The following NCLN variants were observed in gnomAD, a reference collection of about 807,000 sequenced individuals.
NCLN encodes the protein nicalin, also known as BOS complex subunit NCLN.
Under a neutral mutation model 69.5 loss-of-function variants are expected in NCLN, and 34 were observed. That is an observed-to-expected ratio of 0.49 (90% CI 0.37 to 0.65). The LOEUF (loss-of-function observed/expected upper bound fraction) is 0.65. Ranked by LOEUF, NCLN falls within the 30% of genes least tolerant of loss-of-function variation. The pLI, the probability that NCLN is intolerant of heterozygous loss-of-function variation, is 0.00. For missense variants in NCLN, 710 were observed against 804.8 expected, an observed-to-expected ratio of 0.88 and a Z score of 1.42; for synonymous variants, 393 against 358.3, an observed-to-expected ratio of 1.10 and a Z score of -1.09.
chr19:3,202,792 C>T (rs1916162160), intron 6 of NCLN, among the ~76,000 whole-genome samples: 1 of 152,140 alleles, frequency 6.6e-6, no homozygotes, highest in Admixed American at 6.6e-5. Context: ...CCCCCAGCCC[C>T]CCACTGATGC....
chr19:3,207,782 C>A lies in NCLN; in HGVS notation c.*94C>A. On this transcript the variant is annotated 3_prime_UTR_variant, in exon 15 of 15. Transcript: ENST00000246117. Reference sequence around the variant, plus strand: ...CACTGCCCCGCCGCGGGCGGCCCTGCAGGGACAGGGGCCCTCTCCCTCCCC... The same window carrying A: ...CACTGCCCCGCCGCGGGCGGCCCTGAAGGGACAGGGGCCCTCTCCCTCCCC... The A allele has an allele frequency of 9.3e-7, 1 of 1,080,226 alleles. No homozygotes were observed. The highest frequency in any genetic ancestry group is 1.4e-6 in the Non-Finnish European group (1 of 709,914). 66.9% of individuals were successfully genotyped at this position (1,080,226 alleles called of 1,614,324 possible).
chr19:3,199,952 A>G (rs1916083161), intron 5 of NCLN, among the ~76,000 whole-genome samples: 2 of 151,870 alleles, frequency 1.3e-5, no homozygotes, highest in Non-Finnish European at 2.9e-5. Flanking sequence ...TGCCCTCCTC[A>G]GCCTCCCAAA....
chr19:3,193,159 G>A, intron 2 of NCLN, 125 bp from the exon 3 acceptor site: 5 of 918,668 alleles, frequency 5.4e-6, no homozygotes, highest in Non-Finnish European at 8.1e-6. Context: ...TGGGCCCCCT[G>A]CTACCCCCTC....
chr19:3,185,949 A>G lies in NCLN; in HGVS notation c.-82A>G. ...GCCCGCAGGACCCCGGCGGCTACCCATGCCGAGGTGAGTCCGCGGGAGCCG... is the reference window on the plus strand; with the variant it reads ...GCCCGCAGGACCCCGGCGGCTACCCGTGCCGAGGTGAGTCCGCGGGAGCCG... On this transcript the variant is annotated 5_prime_UTR_variant, in exon 1 of 15. The change abolishes an upstream ATG in the 5' untranslated region. Transcript: ENST00000246117. 4 of 1,155,180 alleles carry G rather than the reference A, an allele frequency of 3.5e-6. No homozygotes were observed. Among genetic ancestry groups the G allele is most frequent in the Non-Finnish European group, 4.5e-6 (4 of 894,580 alleles). 71.6% of individuals were successfully genotyped at this position (1,155,180 alleles called of 1,614,324 possible). A position where few individuals can be genotyped will look rare whatever the true frequency, so the allele number is the denominator to read the frequency against.
intron 3 of NCLN, among the ~76,000 whole-genome samples, chr19:3,193,647 C>A (rs111459976): frequency 0.014 from 2,185 of 152,380 alleles, 47 homozygotes; most frequent in African/African-American, 0.05. Context: ...GCCTGTCCCC[C>A]CTCCCAGCTG....
Position 3,186,224 on chromosome 19 carries a change from C to G in NCLN, c.184+10C>G. 1 of 1,496,780 alleles carries G rather than the reference C, an allele frequency of 6.7e-7. No individual in the cohort carries two copies. Among genetic ancestry groups the G allele is most frequent in the South Asian group, 1.3e-5 (1 of 78,954 alleles). 92.7% of individuals were successfully genotyped at this position (1,496,780 alleles called of 1,614,324 possible). A position where few individuals can be genotyped will look rare whatever the true frequency, so the allele number is the denominator to read the frequency against. On this transcript the variant is annotated intron_variant, in intron 1 of 14. Coordinates refer to ENST00000246117, the MANE Select transcript of NCLN (RefSeq NM_020170.4). ...CAGGGCCAGCCCTACGGTGCGTGTC[C>G]CCGGCCCACCCTCGGGGCTCCCCGG... is the stretch of plus-strand genomic sequence containing the variant.
intron 5 of NCLN, 134 bp downstream of exon 5, chr19:3,199,031 ATC>A: frequency 1.8e-6 from 1 of 564,472 alleles, no homozygotes; most frequent in Non-Finnish European, 2.8e-6. Context: ...TTTGCCCGTC[ATC>A]CTGGTCCCCG....
chr19:3,186,029 G>C lies in NCLN; in HGVS notation c.-2G>C. On this transcript the variant is annotated 5_prime_UTR_variant, in exon 1 of 15. Coordinates refer to ENST00000246117, the MANE Select transcript of NCLN (RefSeq NM_020170.4). ...CCCCGCGCGGCCCCGCCGCCGGCCA[G>C]GATGCTGGAGGAAGCGGGCGAGGTG... 2 of 1,561,048 alleles carry C rather than the reference G, an allele frequency of 1.3e-6. No homozygotes were observed.
chr19:3,191,000 T>C (rs943475822), intron 1 of NCLN, among the ~76,000 whole-genome samples: 7 of 145,000 alleles, frequency 4.8e-5, no homozygotes, highest in Admixed American at 1.4e-4. Context: ...CAGGTGGCCA[T>C]CGCGGTGTGT....
chr19:3,192,279 T>C (rs529910), intron 1 of NCLN, among the ~76,000 whole-genome samples, 191 bp from the exon 2 acceptor site: 66,130 of 151,840 alleles, frequency 0.44, 14,420 homozygotes, highest in East Asian at 0.54. Context: ...CGGCACGCGT[T>C]CATGGCCCCT....
At chr19:3,203,543 C>T (rs916068338) in intron 6 of NCLN, among the ~76,000 whole-genome samples, 1 of 152,112 alleles carries the variant, frequency 6.6e-6, no homozygotes, top group Non-Finnish European at 1.5e-5. Flanking sequence ...CCACTCAGCA[C>T]CCTGAAGTGC....
At position 3,204,676 on chromosome 19, in the gene NCLN, G is replaced by A. The variant is rs1290193587; in HGVS notation, c.1133G>A (p.Arg378His). ...TGGGAGCACGAGCGCTTCGCCATCC[G>A]CCGACTGCCCGCCTTCACGCTGTCC... ...LAWEHERFAI[R>H]RLPAFTLSHL... The change falls in exon 9 of 15, where the codon CGC becomes CAC. Residue 378 changes from arginine (R) to histidine (H), a missense_variant. Physicochemically the swap from Arg to His is conservative, Grantham distance 29 (BLOSUM62 0). Transcript: ENST00000246117. 6 of 1,608,474 alleles carry A rather than the reference G, an allele frequency of 3.7e-6. No individual in the cohort carries two copies. Among genetic ancestry groups the A allele is most frequent in the East Asian group, 2.2e-5 (1 of 44,714 alleles).
chr19:3,201,663 G>T (rs1221816732), intron 6 of NCLN, 37 bp downstream of exon 6: 1 of 1,369,476 alleles, frequency 7.3e-7, no homozygotes, highest in Non-Finnish European at 1.0e-6. Context: ...GGGGGTGCGG[G>T]GGCCACACTG....
intron 11 of NCLN, 25 bp from the exon 12 acceptor site, chr19:3,206,237 A>G (rs482758): frequency 0.49 from 747,875 of 1,525,946 alleles, 190,690 homozygotes; most frequent in East Asian, 0.91. Context: ...GGGCCAGGCC[A>G]TGACTACCAC....
At chr19:3,204,912 C>T (rs1041359772) in intron 9 of NCLN, among the ~76,000 whole-genome samples, 161 bp downstream of exon 9, 1 of 152,192 alleles carries the variant, frequency 6.6e-6, no homozygotes, top group African/African-American at 2.4e-5. Flanking sequence ...CACGGTCAGG[C>T]CGTTCGCAAG....
At position 3,198,907 on chromosome 19, in the gene NCLN, T is replaced by C. The variant is rs751506391; in HGVS notation, c.696+10T>C. 6.9e-7 allele frequency: 1 copy of C among 1,452,260 alleles called. No homozygotes were observed. Among genetic ancestry groups the C allele is most frequent in the Non-Finnish European group, 9.2e-7 (1 of 1,092,366 alleles). The allele number at this position is 1,452,260 out of a possible 1,614,324, so 90.0% of individuals were successfully genotyped here. ...CTTTGGAGTGGCCCCCGTACGTATGTGTGTCCCCATTCCCCCCACCCCACA... is the reference window on the plus strand; with the variant it reads ...CTTTGGAGTGGCCCCCGTACGTATGCGTGTCCCCATTCCCCCCACCCCACA... On this transcript the variant is annotated intron_variant, in intron 5 of 14. Transcript: ENST00000246117.
In NCLN at chr19:3,193,205, A is replaced by G. The variant is rs1915874950; in HGVS notation, c.376-79A>G. ...CACTGGGCCCCCTGCTACCCCCACC[A>G]GGGACAGTCACTGGGCCCCCTGCTA... On this transcript the variant is annotated intron_variant, in intron 2 of 14. Coordinates refer to ENST00000246117, the MANE Select transcript of NCLN (RefSeq NM_020170.4). 4.2e-6 allele frequency: 5 copies of G among 1,188,030 alleles called. No homozygotes were observed. The East Asian group carries it at 1.3e-4, about 31-fold the overall frequency. 73.6% of individuals were successfully genotyped at this position (1,188,030 alleles called of 1,614,324 possible). A position where few individuals can be genotyped will look rare whatever the true frequency, so the allele number is the denominator to read the frequency against.
intron 6 of NCLN, among the ~76,000 whole-genome samples, chr19:3,202,307 CA>C (rs1177487714): frequency 6.6e-6 from 1 of 152,190 alleles, no homozygotes; most frequent in Non-Finnish European, 1.5e-5. Flanking sequence ...CTGGTGTGAG[CA>C]GGGGGCAGAC....
chr19:3,207,836 G>A lies in NCLN; in HGVS notation c.*148G>A, dbSNP rs1174240191. The stretch of plus-strand genomic sequence containing the variant: ...GGTGGTTGGAACACTGAATTACAGA[G>A]CTTTTTTCTGTTGCTCTCCGAGACT... On this transcript the variant is annotated 3_prime_UTR_variant, in exon 15 of 15. Transcript: ENST00000246117. 5 of 637,550 alleles carry A rather than the reference G, an allele frequency of 7.8e-6. No homozygotes were observed. The East Asian group carries it at 1.4e-4, about 18-fold the overall frequency. 39.5% of individuals were successfully genotyped at this position (637,550 alleles called of 1,614,324 possible).
Sources: gnomAD v4.1 joint callset for allele counts (sites outside exome capture counted in the v4.1 genomes callset) on GRCh38, gnomAD v4.1.1 for gene constraint, MANE v1.5 for transcripts, NCBI Gene and HGNC (gene_info 2026-07-23, HGNC 2026-07-21) for gene names.